The following MISFA variants were observed in gnomAD, a reference collection of about 807,000 sequenced individuals.
The protein encoded by MISFA is mitochondrial sheath formation-associated protein.
the MISFA span, among the ~76,000 whole-genome samples, chr11:18,605,148 CAGAA>C: frequency 6.6e-6 from 1 of 151,848 alleles, no homozygotes; most frequent in African/African-American, 2.4e-5. Context: ...GAGGCTGAGG[CAGAA>C]TTGCTTGAAC....
the MISFA span, among the ~76,000 whole-genome samples, chr11:18,605,171 TG>T: frequency 6.7e-6 from 1 of 149,870 alleles, no homozygotes; most frequent in African/African-American, 2.5e-5. Context: ...ACCCGGGAGG[TG>T]GGGGTTACAG....
the MISFA span, among the ~76,000 whole-genome samples, chr11:18,603,515 A>T: frequency 6.6e-6 from 1 of 152,320 alleles, no homozygotes; most frequent in East Asian, 1.9e-4. Flanking sequence ...AGTAAACACT[A>T]GTCTGTAAAA....
the MISFA span, among the ~76,000 whole-genome samples, chr11:18,600,355 C>A: frequency 6.6e-6 from 1 of 151,444 alleles, no homozygotes; most frequent in East Asian, 1.9e-4. Context: ...AGGCATGCAC[C>A]ACCACGCCTG....
chr11:18,606,811 T>C, the MISFA span: 1 of 375,310 alleles, frequency 2.7e-6, no homozygotes, highest in South Asian at 1.9e-5. Flanking sequence ...CAACAATTTA[T>C]TTCTTGGAGA....
At chr11:18,607,569 T>G in the MISFA span, 3 of 152,622 alleles carry the variant, frequency 2.0e-5, no homozygotes, top group Non-Finnish European at 4.4e-5. Context: ...AGCATTTAAT[T>G]TGTAAACCTT....
chr11:18,606,891 C>T, the MISFA span: 4 of 343,708 alleles, frequency 1.2e-5, no homozygotes, highest in African/African-American at 2.3e-5. Context: ...CATGGAGTCT[C>T]GCTCTGTCAC....
chr11:18,602,094 A>G, the MISFA span: 2 of 152,110 alleles, frequency 1.3e-5, no homozygotes, highest in African/African-American at 2.4e-5. Context: ...CTGTCTCTGG[A>G]CTTCATAGCC....
the MISFA span, among the ~76,000 whole-genome samples, chr11:18,600,422 C>G: frequency 6.6e-6 from 1 of 150,558 alleles, no homozygotes; most frequent in Non-Finnish European, 1.5e-5. Context: ...AGGCTGGTCT[C>G]AAAGTCCTGA....
the MISFA span, among the ~76,000 whole-genome samples, chr11:18,604,126 C>T: frequency 6.6e-6 from 1 of 151,606 alleles, no homozygotes; most frequent in Non-Finnish European, 1.5e-5. Flanking sequence ...CGGGGTTTCA[C>T]CGTGTTATCC....
chr11:18,609,788 G>A, the MISFA span: 4 of 1,343,516 alleles, frequency 3.0e-6, no homozygotes, highest in Middle Eastern at 1.8e-4. Flanking sequence ...TGATAAGGGG[G>A]CTTCTTCAGT....
At chr11:18,605,454 C>T in the MISFA span, among the ~76,000 whole-genome samples, 1 of 152,042 alleles carries the variant, frequency 6.6e-6, no homozygotes, top group Non-Finnish European at 1.5e-5. Context: ...CTTTTGTTTA[C>T]ATAGAAAACA....
At chr11:18,604,192 C>T in the MISFA span, among the ~76,000 whole-genome samples, 91 of 152,046 alleles carry the variant, frequency 6.0e-4, no homozygotes, top group Non-Finnish European at 6.8e-4. Flanking sequence ...TCCCAAAGTG[C>T]TGGGATTACA....
the MISFA span, among the ~76,000 whole-genome samples, chr11:18,604,520 T>C: frequency 6.6e-6 from 1 of 150,980 alleles, no homozygotes; most frequent in Non-Finnish European, 1.5e-5. Flanking sequence ...AGCTAGGGCG[T>C]GGTGTGGTGG....
At chr11:18,604,799 C>T in the MISFA span, among the ~76,000 whole-genome samples, 1 of 152,196 alleles carries the variant, frequency 6.6e-6, no homozygotes, top group Non-Finnish European at 1.5e-5. Context: ...GCATGTTTAT[C>T]TTGCCAACAC....
the MISFA span, chr11:18,608,323 G>A: frequency 6.6e-6 from 1 of 152,562 alleles, no homozygotes; most frequent in East Asian, 1.9e-4. Context: ...GTCCCATTAA[G>A]GGAGGCTAAC....
At chr11:18,602,877 G>A in the MISFA span, 3 of 359,294 alleles carry the variant, frequency 8.3e-6, no homozygotes, top group Non-Finnish European at 1.5e-5. Flanking sequence ...TCCCATAGGT[G>A]CTCATGCTGA....
the MISFA span, among the ~76,000 whole-genome samples, chr11:18,605,094 T>C: frequency 6.6e-5 from 10 of 152,066 alleles, no homozygotes; most frequent in Admixed American, 5.9e-4. Flanking sequence ...AATACAAAAA[T>C]TAGCCAGGTG....
At chr11:18,603,107 G>A in the MISFA span, 1 of 399,010 alleles carries the variant, frequency 2.5e-6, no homozygotes, top group Non-Finnish European at 4.4e-6. Flanking sequence ...ACCACCAGCT[G>A]AGAAAGAAGC....
the MISFA span, among the ~76,000 whole-genome samples, chr11:18,605,420 T>C: frequency 2.6e-5 from 4 of 152,152 alleles, no homozygotes; most frequent in African/African-American, 4.8e-5. Flanking sequence ...TCAAAAGAAG[T>C]ATACCTTTTC....
Sources: gnomAD v4.1 joint callset for allele counts (sites outside exome capture counted in the v4.1 genomes callset) on GRCh38, gnomAD v4.1.1 for gene constraint, MANE v1.5 for transcripts, NCBI Gene and HGNC (gene_info 2026-07-23, HGNC 2026-07-21) for gene names.